CEP250: variants seen among roughly 807,000 people sequenced by gnomAD.
CEP250 encodes the protein centrosome-associated protein CEP250.
In CEP250, 242 loss-of-function variants were observed where a neutral mutation model predicts 315.7. The observed-to-expected ratio is 0.77, with a 90% confidence interval of 0.69 to 0.85. The LOEUF (loss-of-function observed/expected upper bound fraction) is 0.85, where lower values mean the gene tolerates loss of function less well. Ranked by LOEUF, CEP250 falls within the 40% of genes least tolerant of loss-of-function variation. The pLI, the probability that CEP250 is intolerant of heterozygous loss-of-function variation, is 0.00. For missense variants in CEP250, 2,515 were observed against 2,886.4 expected (o/e 0.87, Z 2.95); for synonymous variants, 1,088 against 1,175.0 (o/e 0.93, Z 1.51).
In CEP250 at chr20:35,515,220, C is replaced by T. The variant is rs1335322962; in HGVS notation, c.*3594C>T. ...AAGAACACAGACTGTTTATCACTCA[C>T]CCCTGGTTCCAGTACCAAGGAAAGG... On this transcript the variant is annotated 3_prime_UTR_variant, in exon 35 of 35. Transcript: ENST00000397527. 2 of 152,320 alleles carry T rather than the reference C, an allele frequency of 1.3e-5. No homozygotes were observed. The highest frequency in any genetic ancestry group is 6.5e-5 in the Admixed American group (1 of 15,274). 9.4% of individuals were successfully genotyped at this position (152,320 alleles called of 1,614,324 possible).
intron 5 of CEP250, 34 bp from the exon 6 acceptor site, chr20:35,465,709 G>A (rs767748109): frequency 6.7e-7 from 1 of 1,498,854 alleles, no homozygotes; most frequent in Non-Finnish European, 9.0e-7. Context: ...TGTTCTCTTT[G>A]GAGGTAAGTA....
At chr20:35,456,558 T>C (rs2062631438) in intron 1 of CEP250, among the ~76,000 whole-genome samples, 1 of 152,224 alleles carries the variant, frequency 6.6e-6, no homozygotes, top group Non-Finnish European at 1.5e-5. Context: ...TTCTTCTATC[T>C]TTCTTTGCTC....
chr20:35,460,509 A>C (rs975718674), intron 3 of CEP250, among the ~76,000 whole-genome samples: 2 of 152,220 alleles, frequency 1.3e-5, no homozygotes, highest in African/African-American at 4.8e-5. Context: ...GGCACTATAC[A>C]ACTGTGCAGA....
intron 12 of CEP250, 42 bp downstream of exon 12, chr20:35,472,873 G>A (rs780909036): frequency 6.2e-7 from 1 of 1,607,726 alleles, no homozygotes; most frequent in Non-Finnish European, 8.5e-7. Flanking sequence ...AGGGGTTTGT[G>A]TCTAAACTGG....
chr20:35,505,451 G>A (rs971502184), intron 30 of CEP250, among the ~76,000 whole-genome samples: 5 of 152,054 alleles, frequency 3.3e-5, no homozygotes, highest in East Asian at 3.9e-4. Context: ...TCAGGAGTTC[G>A]AGACCAGTCT....
chr20:35,508,911 C>A (rs192356973), intron 32 of CEP250, 32 bp from the exon 33 acceptor site: 1 of 1,529,534 alleles, frequency 6.5e-7, no homozygotes. Context: ...AGAGCCAAGC[C>A]GAGCCCTGAT....
chr20:35,499,972 T>A, intron 27 of CEP250, 77 bp from the exon 28 acceptor site: 6 of 1,578,688 alleles, frequency 3.8e-6, no homozygotes, highest in Non-Finnish European at 4.3e-6. Flanking sequence ...AAGCTGAGAA[T>A]GAGGAGAGAG....
Position 35,479,790 on chromosome 20 carries a change from G to A in CEP250, c.2416+17G>A, listed in dbSNP as rs749187130. ...TAATCCAAGGTGAGAACCCAACTGG[G>A]ATGGGATGCACTCCATTCCATGGAG... On this transcript the variant is annotated intron_variant, in intron 19 of 34. Transcript: ENST00000397527. 1.9e-6 allele frequency: 3 copies of A among 1,614,098 alleles called. No homozygotes were observed. Among genetic ancestry groups the A allele is most frequent in the South Asian group, 2.2e-5 (2 of 91,072 alleles).
At chr20:35,501,592 C>G (rs1042672668) in intron 28 of CEP250, among the ~76,000 whole-genome samples, 1 of 152,114 alleles carries the variant, frequency 6.6e-6, no homozygotes. Flanking sequence ...AGGATGAGGA[C>G]ATATTGGGAT....
intron 23 of CEP250, 90 bp from the exon 24 acceptor site, chr20:35,494,434 C>T: frequency 6.5e-7 from 1 of 1,546,338 alleles, no homozygotes; most frequent in Non-Finnish European, 8.8e-7. Flanking sequence ...CTATGGTAAA[C>T]CTCGAAGGAC....
chr20:35,508,911 C>T (rs192356973), intron 32 of CEP250, 32 bp from the exon 33 acceptor site: 22 of 1,529,534 alleles, frequency 1.4e-5, no homozygotes, highest in Admixed American at 7.8e-5. Context: ...AGAGCCAAGC[C>T]GAGCCCTGAT....
At position 35,512,141 on chromosome 20, in the gene CEP250, TC is replaced by T; in HGVS notation, c.*517del. ...GAGAACACACAAGACAAAGCCCCTG[TC>T]CACAGACAGCCTACAGTCCAGTTGA... On this transcript the variant is annotated 3_prime_UTR_variant, in exon 35 of 35. Transcript: ENST00000397527. 1.6e-6 allele frequency: 1 copy of T among 643,208 alleles called. No individual in the cohort carries two copies. The highest frequency in any genetic ancestry group is 1.9e-6 in the Non-Finnish European group (1 of 515,964). The allele number at this position is 643,208 out of a possible 1,614,324, so 39.8% of individuals were successfully genotyped here.
At chr20:35,483,986 G>A (rs2063432664) in intron 20 of CEP250, among the ~76,000 whole-genome samples, 1 of 150,578 alleles carries the variant, frequency 6.6e-6, no homozygotes, top group Admixed American at 6.6e-5. Context: ...TCCCTAATTT[G>A]TATTTTCAGT....
At chr20:35,510,906 A>T (rs1483018842) in intron 34 of CEP250, among the ~76,000 whole-genome samples, 1 of 152,132 alleles carries the variant, frequency 6.6e-6, no homozygotes, top group Non-Finnish European at 1.5e-5. Flanking sequence ...GACACACAGG[A>T]ATCACTTGAA....
chr20:35,505,127 C>A, intron 30 of CEP250, 122 bp downstream of exon 30: 1 of 776,284 alleles, frequency 1.3e-6, no homozygotes, highest in Non-Finnish European at 2.0e-6. Flanking sequence ...AGATCATGAG[C>A]ACCTCAACAT....
Position 35,511,878 on chromosome 20 carries a change from G to A in CEP250, c.*252G>A. 7.6e-7 allele frequency: 1 copy of A among 1,314,864 alleles called. No homozygotes were observed. The highest frequency in any genetic ancestry group is 9.7e-7 in the Non-Finnish European group (1 of 1,034,358). 81.4% of individuals were successfully genotyped at this position (1,314,864 alleles called of 1,614,324 possible). ...GAGGGGTGCCTTGCCCTGGCTGAGG[G>A]ACATGTACTGCCTCTCATCTAGAAT... is the stretch of plus-strand genomic sequence containing the variant. On this transcript the variant is annotated 3_prime_UTR_variant, in exon 35 of 35. Coordinates refer to ENST00000397527, the MANE Select transcript of CEP250 (RefSeq NM_007186.6).
At chr20:35,508,227 A>G in intron 32 of CEP250, 37 bp downstream of exon 32, 2 of 1,608,806 alleles carry the variant, frequency 1.2e-6, no homozygotes, top group Non-Finnish European at 1.7e-6. Context: ...ATGCATCTCC[A>G]CTTCTCGTGT....
chr20:35,506,306 G>GT (rs1340629050), intron 30 of CEP250, among the ~76,000 whole-genome samples: 1 of 152,218 alleles, frequency 6.6e-6, no homozygotes, highest in Non-Finnish European at 1.5e-5. Context: ...GTCATCAGCA[G>GT]TTAGAACAAA....
chr20:35,508,841 C>A, intron 32 of CEP250, 102 bp from the exon 33 acceptor site: 1 of 881,418 alleles, frequency 1.1e-6, no homozygotes, highest in South Asian at 1.6e-5. Context: ...GTTACTGTCC[C>A]CTCATATACC....
Sources: allele counts gnomAD v4.1 joint callset (sites outside exome capture counted in the v4.1 genomes callset), GRCh38; gene constraint gnomAD v4.1.1; transcripts MANE v1.5; gene names NCBI Gene and HGNC (gene_info 2026-07-23, HGNC 2026-07-21).